Variants in RPS6KA2 observed in about 807,000 individuals in gnomAD.
RPS6KA2 encodes ribosomal protein S6 kinase alpha-2.
A neutral mutation model predicts 91.8 loss-of-function variants in RPS6KA2; 42 were observed. The ratio of observed to expected loss-of-function variants is 0.46; its 90% confidence interval spans 0.36 to 0.59. RPS6KA2 has a LOEUF of 0.59. Ranked by LOEUF, RPS6KA2 falls within the 20% of genes least tolerant of loss-of-function variation. The pLI is 0.00. For missense variants in RPS6KA2, 798 were observed against 978.5 expected, an observed-to-expected ratio of 0.82 and a Z score of 2.46; for synonymous variants, 414 against 393.6, an observed-to-expected ratio of 1.05 and a Z score of -0.61.
chr6:166,489,801 G>A (rs1046278883), intron 9 of RPS6KA2, among the ~76,000 whole-genome samples: 3 of 152,060 alleles, frequency 2.0e-5, no homozygotes, highest in East Asian at 1.9e-4. Context: ...CATAAGGACC[G>A]AGCTTACAAA....
intron 6 of RPS6KA2, among the ~76,000 whole-genome samples, chr6:166,502,783 C>T (rs1175786117): frequency 6.6e-6 from 1 of 152,144 alleles, no homozygotes; most frequent in African/African-American, 2.4e-5. Flanking sequence ...TAGGTCAGAC[C>T]CACTTTGAAA....
intron 2 of RPS6KA2, among the ~76,000 whole-genome samples, chr6:166,830,864 G>A (rs1780166839): frequency 6.6e-6 from 1 of 152,176 alleles, no homozygotes; most frequent in South Asian, 2.1e-4. Flanking sequence ...CCTTTTCTTT[G>A]AGATTTGGGA....
intron 2 of RPS6KA2, among the ~76,000 whole-genome samples, chr6:166,777,882 A>G (rs1376405145): frequency 6.6e-6 from 1 of 152,214 alleles, no homozygotes; most frequent in Non-Finnish European, 1.5e-5. Flanking sequence ...GCTATAAAAG[A>G]GACATCTAAA....
chr6:166,782,014 G>C (rs974001578), intron 2 of RPS6KA2, among the ~76,000 whole-genome samples: 2 of 152,228 alleles, frequency 1.3e-5, no homozygotes, highest in Non-Finnish European at 2.9e-5. Context: ...TAGAGGCCGG[G>C]CATGGTGACT....
At chr6:166,503,471 G>A (rs1465706434) in intron 6 of RPS6KA2, among the ~76,000 whole-genome samples, 2 of 152,212 alleles carry the variant, frequency 1.3e-5, no homozygotes, top group Non-Finnish European at 1.5e-5. Context: ...CAACTGGGAC[G>A]CGTTTGCAGA....
rs3066222 is a variant in RPS6KA2 at position 166,510,610 on chromosome 6, T to TGC, written c.299-255_299-254dup. ...ATATATATATATATATATATATATA[T>TGC]GCATCTCTAGCTCTCCAAAAAATTG... On this transcript the variant is annotated intron_variant, in intron 3 of 20. Transcript: ENST00000265678. 3.6e-3 allele frequency among the ~76,000 whole-genome samples: 338 copies of TGC among 94,620 alleles called. 10 individuals are homozygous for TGC. The highest frequency in any genetic ancestry group is 0.012 in the African/African-American group (325 of 26,208). 62.1% of individuals were successfully genotyped at this position (94,620 alleles called of 152,430 possible).
intron 10 of RPS6KA2, among the ~76,000 whole-genome samples, chr6:166,479,984 G>A (rs949771916): frequency 1.3e-5 from 2 of 150,902 alleles, no homozygotes; most frequent in Non-Finnish European, 3.0e-5. Flanking sequence ...CTGTGTAGAC[G>A]ACGGTAATTC....
chr6:166,667,036 C>T (rs563109295), intron 2 of RPS6KA2, among the ~76,000 whole-genome samples: 6 of 152,126 alleles, frequency 3.9e-5, no homozygotes, highest in African/African-American at 9.6e-5. Flanking sequence ...CGTGAGGTAC[C>T]GAGAATACTC....
chr6:166,423,182 G>T lies in RPS6KA2; in HGVS notation c.1743+74C>A. The T allele has an allele frequency of 6.8e-7, 1 of 1,470,688 alleles. No individual in the cohort carries two copies. Among genetic ancestry groups the T allele is most frequent in the Non-Finnish European group, 9.2e-7 (1 of 1,083,964 alleles). The allele number at this position is 1,470,688 out of a possible 1,614,324, so 91.1% of individuals were successfully genotyped here. A position where few individuals can be genotyped will look rare whatever the true frequency, so the allele number is the denominator to read the frequency against. On this transcript the variant is annotated intron_variant, in intron 17 of 20. Coordinates refer to ENST00000265678, the MANE Select transcript of RPS6KA2 (RefSeq NM_021135.6). The surrounding 1 kb of genome is among the most constrained non-coding windows in gnomAD (Gnocchi z 4.8). ...CCTCTGACATCCCCGCTGTCCGGTGGCTCTGCAGTGGGAGGGGGCAGAGCC... is the reference window on the plus strand; with the variant it reads ...CCTCTGACATCCCCGCTGTCCGGTGTCTCTGCAGTGGGAGGGGGCAGAGCC...
chr6:166,839,799 T>C (rs1384838033), intron 2 of RPS6KA2, among the ~76,000 whole-genome samples: 2 of 150,116 alleles, frequency 1.3e-5, no homozygotes, highest in South Asian at 2.2e-4. Context: ...GGTTCTCCCT[T>C]GGGCTTCCAC....
chr6:166,743,020 A>T (rs556335029), intron 2 of RPS6KA2, among the ~76,000 whole-genome samples: 43 of 152,360 alleles, frequency 2.8e-4, no homozygotes, highest in African/African-American at 9.6e-4. Flanking sequence ...CAGCTAGCGC[A>T]CTTCCCCAAA....
At chr6:166,482,900 T>C (rs768262998) in intron 10 of RPS6KA2, among the ~76,000 whole-genome samples, 15 of 152,298 alleles carry the variant, frequency 9.8e-5, no homozygotes, top group Non-Finnish European at 1.0e-4. Flanking sequence ...GCCCTCACCA[T>C]AAAGCAAATG....
intron 14 of RPS6KA2, among the ~76,000 whole-genome samples, chr6:166,446,087 A>G (rs1473307848): frequency 6.6e-6 from 1 of 152,272 alleles, no homozygotes; most frequent in African/African-American, 2.4e-5. Flanking sequence ...AGTGCTCTGC[A>G]CTGGGTCAAA....
intron 2 of RPS6KA2, among the ~76,000 whole-genome samples, chr6:166,679,973 CTTCTGGGA>C (rs1307842923): frequency 6.6e-6 from 1 of 152,214 alleles, no homozygotes; most frequent in African/African-American, 2.4e-5. Flanking sequence ...GCCAGCTGGG[CTTCTGGGA>C]TGGGTGGGGA....
intron 10 of RPS6KA2, among the ~76,000 whole-genome samples, chr6:166,471,401 C>T (rs1381648665): frequency 6.6e-6 from 1 of 152,238 alleles, no homozygotes; most frequent in Non-Finnish European, 1.5e-5. Flanking sequence ...GAAAGCGCCT[C>T]TAGGTGGTCA....
chr6:166,451,322 T>A, intron 12 of RPS6KA2, 89 bp from the exon 13 acceptor site: 2 of 1,456,664 alleles, frequency 1.4e-6, no homozygotes, highest in Non-Finnish European at 9.4e-7. Context: ...GTGGTATGTG[T>A]GTGCAAGTCC....
intron 2 of RPS6KA2, among the ~76,000 whole-genome samples, chr6:166,680,481 C>A (rs947447738): frequency 6.6e-6 from 1 of 151,996 alleles, no homozygotes; most frequent in Non-Finnish European, 1.5e-5. Context: ...TTTTTTTGCT[C>A]TTTGTAGTAA....
In RPS6KA2 at chr6:166,662,443, G is replaced by T. The variant is rs1056082983; in HGVS notation, c.124-123659C>A. On this transcript the variant is annotated intron_variant, in intron 2 of 21. Coordinates refer to the RPS6KA2 transcript ENST00000503859. The surrounding 1 kb of genome is among the most constrained non-coding windows in gnomAD (Gnocchi z 4.3). ...ACTTTAGATATCTGCTTTCTTTGGG[G>T]ACGTAAGAACAGCTCTGCTTGCAAA... Among the ~76,000 whole-genome samples, 1 of 152,194 alleles carries T rather than the reference G, an allele frequency of 6.6e-6. No individual in the cohort carries two copies. The highest frequency in any genetic ancestry group is 1.5e-5 in the Non-Finnish European group (1 of 68,038).
chr6:166,523,054 G>A lies in RPS6KA2; in HGVS notation c.298+8178C>T, dbSNP rs149261331. Among the ~76,000 whole-genome samples the A allele has an allele frequency of 2.8e-3, 422 of 152,262 alleles. 1 individual carries two copies. Among genetic ancestry groups the A allele is most frequent in the African/African-American group, 9.9e-3 (413 of 41,562 alleles). ...ACTGCAGAGGTATTAAAGATGACAA[G>A]TAATGAAAAAAATCTATTTCCTCCT... On this transcript the variant is annotated intron_variant, in intron 3 of 20. Coordinates refer to ENST00000265678, the MANE Select transcript of RPS6KA2 (RefSeq NM_021135.6).
Sources: allele counts gnomAD v4.1 joint callset (sites outside exome capture counted in the v4.1 genomes callset), GRCh38; gene constraint gnomAD v4.1.1; non-coding constraint Gnocchi (gnomAD v3.1); transcripts MANE v1.5; gene names NCBI Gene and HGNC (gene_info 2026-07-23, HGNC 2026-07-21).